Variants in LETM1 observed in about 807,000 individuals in gnomAD.
The protein encoded by LETM1 is leucine zipper and EF-hand containing transmembrane protein 1, also known as mitochondrial proton/calcium exchanger protein.
A neutral mutation model predicts 74.5 loss-of-function variants in LETM1; 50 were observed. The ratio of observed to expected loss-of-function variants is 0.67; its 90% CI spans 0.53 to 0.85. The LOEUF is 0.85. LETM1 is among the 40% of genes least tolerant of loss of function. The pLI is 0.00. For missense variants in LETM1, 824 were observed against 967.8 expected, an observed-to-expected ratio of 0.85 and a Z score of 1.97; for synonymous variants, 446 against 407.1, an observed-to-expected ratio of 1.10 and a Z score of -1.15.
chr4:1,844,248 A>C (rs779700663), intron 2 of LETM1, among the ~76,000 whole-genome samples: 2 of 152,236 alleles, frequency 1.3e-5, no homozygotes, highest in African/African-American at 2.4e-5. Flanking sequence ...CGCTAAGTAC[A>C]GATTTAGAAA....
chr4:1,855,873 C>G lies in LETM1; in HGVS notation c.78G>C (p.Pro26=). ...CCTGGGGTGCCCGCCGCTTACCCCG[C>G]GGGACGGTGTACCGAGGCGGCGGCG... ...RLPPPPRYTV[P]RGSPGDPAHL... is the part of the protein sequence containing the mutation. Residue 26 remains proline (P), a synonymous_variant, in exon 1 of 14, where the codon CCG becomes CCC. Transcript: ENST00000302787. 1 of 1,234,856 alleles carries G rather than the reference C, an allele frequency of 8.1e-7. No homozygotes were observed. The highest frequency in any genetic ancestry group is 1.0e-6 in the Non-Finnish European group (1 of 991,038). The allele number at this position is 1,234,856 out of a possible 1,614,324, so 76.5% of individuals were successfully genotyped here.
intron 6 of LETM1, among the ~76,000 whole-genome samples, chr4:1,826,207 G>A (rs527587825): frequency 9.2e-5 from 14 of 152,334 alleles, no homozygotes; most frequent in South Asian, 4.1e-4. Context: ...AGAGAGACAC[G>A]GAGAAGTAAT....
At chr4:1,842,659 G>C (rs1387617503) in intron 2 of LETM1, among the ~76,000 whole-genome samples, 1 of 152,210 alleles carries the variant, frequency 6.6e-6, no homozygotes, top group African/African-American at 2.4e-5. Context: ...GGCCTCACAG[G>C]CAGCAGTGGG....
At chr4:1,823,173 C>T (rs1577312634) in intron 8 of LETM1, 42 bp from the exon 9 acceptor site, 4 of 1,531,364 alleles carry the variant, frequency 2.6e-6, no homozygotes, top group Non-Finnish European at 3.5e-6. Flanking sequence ...CAGAAGCCAC[C>T]AGAGGCCCCT....
In LETM1 at chr4:1,847,383, T is replaced by C. The variant is rs546999078; in HGVS notation, c.143+1766A>G. Among the ~76,000 whole-genome samples the C allele has an allele frequency of 5.6e-4, 85 of 151,754 alleles. No homozygotes were observed. In the South Asian group the frequency reaches 7.5e-3, roughly 13 times the overall value. On this transcript the variant is annotated intron_variant, in intron 2 of 13. Coordinates refer to ENST00000302787, the MANE Select transcript of LETM1 (RefSeq NM_012318.3). ...AAAGTAATATTCCTTCCCAACTGGT[T>C]TAATGACACTTCAGATACAATCCCA...
At chr4:1,832,985 C>A in intron 5 of LETM1, 38 bp from the exon 6 acceptor site, 1 of 1,598,614 alleles carries the variant, frequency 6.3e-7, no homozygotes, top group South Asian at 1.1e-5. Context: ...CCGGGACACG[C>A]GCCCACCCGG....
In LETM1 at chr4:1,814,287, A is replaced by T; in HGVS notation, c.*137T>A. Reference sequence around the variant, plus strand: ...CGTGGAATGATGAAAATTAAAATTTACTTGATTATGGAAGTCTCTGATTTA... The same window carrying T: ...CGTGGAATGATGAAAATTAAAATTTTCTTGATTATGGAAGTCTCTGATTTA... On this transcript the variant is annotated 3_prime_UTR_variant, in exon 14 of 14. Transcript: ENST00000302787. 7.6e-7 allele frequency: 1 copy of T among 1,313,418 alleles called. No individual in the cohort carries two copies. The highest frequency in any genetic ancestry group is 1.1e-6 in the Non-Finnish European group (1 of 945,866). 81.4% of individuals were successfully genotyped at this position (1,313,418 alleles called of 1,614,324 possible). A position where few individuals can be genotyped will look rare whatever the true frequency, so the allele number is the denominator to read the frequency against.
chr4:1,850,334 T>A (rs1008470711), intron 1 of LETM1, among the ~76,000 whole-genome samples: 1 of 151,892 alleles, frequency 6.6e-6, no homozygotes, highest in African/African-American at 2.4e-5. Context: ...CTCAAGTAGA[T>A]CCTGACTCCA....
At chr4:1,848,299 A>G (rs1157280332) in intron 2 of LETM1, among the ~76,000 whole-genome samples, 2 of 152,142 alleles carry the variant, frequency 1.3e-5, no homozygotes, top group Non-Finnish European at 2.9e-5. Context: ...CTGTAATCCC[A>G]GCACTTTGGG....
At chr4:1,850,384 A>C (rs1162709499) in intron 1 of LETM1, among the ~76,000 whole-genome samples, 1 of 152,108 alleles carries the variant, frequency 6.6e-6, no homozygotes, top group African/African-American at 2.4e-5. Context: ...AGCCCTAGGG[A>C]GGGAGCACTC....
chr4:1,855,885 C>G lies in LETM1; in HGVS notation c.66G>C (p.Arg22=). The G allele has an allele frequency of 8.1e-7, 1 of 1,238,724 alleles. No homozygotes were observed. The highest frequency in any genetic ancestry group is 1.0e-6 in the Non-Finnish European group (1 of 993,870). The allele number at this position is 1,238,724 out of a possible 1,614,324, so 76.7% of individuals were successfully genotyped here. A position where few individuals can be genotyped will look rare whatever the true frequency, so the allele number is the denominator to read the frequency against. The change falls in exon 1 of 14, where the codon CGG becomes CGC. Residue 22 remains arginine, a synonymous_variant. Transcript: ENST00000302787. ...GCCGCTTACCCCGCGGGACGGTGTACCGAGGCGGCGGCGGGAGGCGGGCGG... is the reference window on the plus strand; with the variant it reads ...GCCGCTTACCCCGCGGGACGGTGTAGCGAGGCGGCGGCGGGAGGCGGGCGG... The part of the protein sequence containing the change: ...RAPARLPPPP[R]YTVPRGSPGD...
At chr4:1,844,884 C>CAG (rs1491460905) in intron 2 of LETM1, among the ~76,000 whole-genome samples, 3 of 74,654 alleles carry the variant, frequency 4.0e-5, no homozygotes, top group Non-Finnish European at 7.1e-5. Context: ...CCTGTCTCTA[C>CAG]AGAAAAAAAA....
chr4:1,845,184 T>C lies in LETM1; in HGVS notation c.144-3387A>G, dbSNP rs548193412. ...CAGCCTGGGCGATAGAGTGAGACTC[T>C]GTCCCCCGCACCCCCCGAAAAAAAT... On this transcript the variant is annotated intron_variant, in intron 2 of 13. Coordinates refer to ENST00000302787, the MANE Select transcript of LETM1 (RefSeq NM_012318.3). 1.3e-3 allele frequency among the ~76,000 whole-genome samples: 202 copies of C among 152,272 alleles called. No homozygotes were observed. The South Asian group carries it at 0.019, about 15-fold the overall frequency.
At chr4:1,828,952 C>T (rs1712142149) in intron 6 of LETM1, among the ~76,000 whole-genome samples, 3 of 113,052 alleles carry the variant, frequency 2.7e-5, no homozygotes, top group Non-Finnish European at 5.5e-5. Context: ...AGAGGCGCCC[C>T]TCACCTCCCG....
chr4:1,849,119 A>G lies in LETM1; in HGVS notation c.143+30T>C, dbSNP rs377310138. 4 of 1,543,066 alleles carry G rather than the reference A, an allele frequency of 2.6e-6. No homozygotes were observed. The African/African-American group carries it at 5.4e-5, about 21-fold the overall frequency. On this transcript the variant is annotated intron_variant, in intron 2 of 13. Coordinates refer to ENST00000302787, the MANE Select transcript of LETM1 (RefSeq NM_012318.3). The stretch of plus-strand genomic sequence containing the variant: ...ATTTTCAAACCCTGTTTTCAAACAG[A>G]CAGGTGCAGAGTGATACTGATTTAC...
intron 6 of LETM1, among the ~76,000 whole-genome samples, chr4:1,831,082 C>T (rs1443728288): frequency 6.6e-6 from 1 of 152,198 alleles, no homozygotes; most frequent in Non-Finnish European, 1.5e-5. Context: ...GACATGTCTC[C>T]ACCTACTGCA....
intron 7 of LETM1, among the ~76,000 whole-genome samples, chr4:1,824,627 T>G (rs1711917264): frequency 6.8e-6 from 1 of 147,344 alleles, no homozygotes; most frequent in African/African-American, 2.5e-5. Flanking sequence ...GAGAGGTGGG[T>G]AGAGAAGGAA....
At chr4:1,849,260 C>G (rs781010243) in intron 1 of LETM1, 51 bp from the exon 2 acceptor site, 4 of 1,314,760 alleles carry the variant, frequency 3.0e-6, no homozygotes, top group Non-Finnish European at 4.4e-6. Flanking sequence ...GGGATTTATA[C>G]TGATACCTTT....
At chr4:1,826,523 TCA>T (rs1236492273) in intron 6 of LETM1, among the ~76,000 whole-genome samples, 2 of 152,232 alleles carry the variant, frequency 1.3e-5, no homozygotes, top group Admixed American at 1.3e-4. Flanking sequence ...TGCTGCCCGT[TCA>T]CAGACGCGCT....
Sources: gnomAD v4.1 joint callset for allele counts (sites outside exome capture counted in the v4.1 genomes callset) on GRCh38, gnomAD v4.1.1 for gene constraint, MANE v1.5 for transcripts, NCBI Gene and HGNC (gene_info 2026-07-23, HGNC 2026-07-21) for gene names.